The following LCT variants were observed in gnomAD, a reference collection of about 807,000 sequenced individuals.
LCT encodes lactase, also known as lactase/phlorizin hydrolase.
A neutral mutation model predicts 173.0 loss-of-function variants in LCT; 90 were observed. The observed-to-expected ratio is 0.52, with a 90% confidence interval of 0.44 to 0.62. The LOEUF is 0.62. Ranked by LOEUF, LCT falls within the 20% of genes least tolerant of loss-of-function variation. The pLI, the probability that LCT is intolerant of heterozygous loss-of-function variation, is 0.00. For synonymous variants in LCT, 853 were observed against 957.6 expected, an observed-to-expected ratio of 0.89 and a Z score of 2.02; for missense variants, 1,864 against 2,431.4, an observed-to-expected ratio of 0.77 and a Z score of 4.91.
Position 135,808,849 on chromosome 2 carries a change from G to T in LCT, c.3498C>A (p.Asp1166Glu), listed in dbSNP as rs1380303646. 6.2e-7 allele frequency: 1 copy of T among 1,614,228 alleles called. No homozygotes were observed. Among genetic ancestry groups the T allele is most frequent in the African/African-American group, 1.3e-5 (1 of 75,066 alleles). Residue 1166 changes from aspartate (D) to glutamate (E), a missense_variant, in exon 8 of 17, where the codon GAC (aspartate) becomes GAA (glutamate). Physicochemically the swap from Asp to Glu is conservative, Grantham distance 45 (BLOSUM62 2). Coordinates refer to ENST00000264162, the MANE Select transcript of LCT (RefSeq NM_002299.4). The stretch of plus-strand genomic sequence containing the variant: ...TGTTCCCCACTTTCCACTTCATGGT[G>T]TCAGGATAGTCTCCGTTTCTAAAAA... ...HPIFRNGDYP[D>E]TMKWKVGNRS...
chr2:135,798,413 C>T (rs541969837), intron 12 of LCT, among the ~76,000 whole-genome samples: 2 of 152,276 alleles, frequency 1.3e-5, no homozygotes, highest in Admixed American at 1.3e-4. Context: ...TGGGCACTGG[C>T]CCTGGTGCTC....
chr2:135,836,787 ATGG>A lies in LCT; in HGVS notation c.380_382del (p.Pro127_Met128delinsLeu). ...GAGGGTCTGGTGGTGCAGGATGACCATGGGCTGAAGCCGTGCAGTCTTGAGGGC... is the reference window on the plus strand; with the variant it reads ...GAGGGTCTGGTGGTGCAGGATGACCAGCTGAAGCCGTGCAGTCTTGAGGGC... On this transcript the variant is annotated inframe_deletion, in exon 1 of 17. Coordinates refer to ENST00000264162, the MANE Select transcript of LCT (RefSeq NM_002299.4). 6.2e-7 allele frequency: 1 copy of A among 1,614,190 alleles called. No homozygotes were observed. The highest frequency in any genetic ancestry group is 8.5e-7 in the Non-Finnish European group (1 of 1,180,032).
intron 5 of LCT, among the ~76,000 whole-genome samples, chr2:135,821,030 G>T (rs536801576): frequency 1.3e-5 from 2 of 152,068 alleles, no homozygotes; most frequent in East Asian, 3.9e-4. Flanking sequence ...ACAGGCGCCC[G>T]CCACCATGCC....
intron 8 of LCT, 143 bp downstream of exon 8, chr2:135,808,300 C>T: frequency 1.2e-6 from 1 of 820,594 alleles, no homozygotes; most frequent in Non-Finnish European, 2.2e-6. Context: ...ACATATAACC[C>T]CCAAACAGAT....
intron 15 of LCT, 100 bp from the exon 16 acceptor site, chr2:135,789,898 C>T: frequency 1.1e-6 from 1 of 905,230 alleles, no homozygotes. Context: ...CTCCCCACCG[C>T]CTTCACAGAT....
chr2:135,821,952 C>T (rs1274757195), intron 5 of LCT, 68 bp downstream of exon 5: 1 of 938,844 alleles, frequency 1.1e-6, no homozygotes, highest in African/African-American at 1.6e-5. Flanking sequence ...TAAGATTATA[C>T]ATGTAAAAGA....
intron 1 of LCT, 40 bp from the exon 2 acceptor site, chr2:135,833,230 G>A (rs771341301): frequency 1.4e-6 from 2 of 1,460,394 alleles, no homozygotes; most frequent in East Asian, 4.6e-5. Flanking sequence ...GTGAGCGAGG[G>A]CAGGAGGCTC....
At chr2:135,795,518 G>T (rs1301991275) in intron 13 of LCT, among the ~76,000 whole-genome samples, 1 of 151,752 alleles carries the variant, frequency 6.6e-6, no homozygotes, top group Non-Finnish European at 1.5e-5. Flanking sequence ...CCTGTATCTT[G>T]TGTAATTTGT....
At chr2:135,829,254 T>C (rs1037217065) in intron 3 of LCT, among the ~76,000 whole-genome samples, 1 of 152,096 alleles carries the variant, frequency 6.6e-6, no homozygotes, top group African/African-American at 2.4e-5. Context: ...TGGACGCTTA[T>C]CGTTATGGAA....
intron 14 of LCT, among the ~76,000 whole-genome samples, chr2:135,791,275 C>T (rs1459613943): frequency 6.6e-6 from 1 of 152,248 alleles, no homozygotes; most frequent in Non-Finnish European, 1.5e-5. Context: ...TGGGCTCCCC[C>T]AAGTCACCCA....
At chr2:135,801,722 T>C (rs1233994082) in intron 11 of LCT, among the ~76,000 whole-genome samples, 1 of 149,958 alleles carries the variant, frequency 6.7e-6, no homozygotes, top group Non-Finnish European at 1.5e-5. Context: ...TGCAGGCGCA[T>C]GCCACCACAT....
At chr2:135,827,211 T>C (rs1206757177) in intron 3 of LCT, among the ~76,000 whole-genome samples, 1 of 152,190 alleles carries the variant, frequency 6.6e-6, no homozygotes, top group African/African-American at 2.4e-5. Context: ...ACTCCTGGCC[T>C]CAAGTGATCC....
At chr2:135,827,265 C>A (rs2077896353) in intron 3 of LCT, among the ~76,000 whole-genome samples, 1 of 152,198 alleles carries the variant, frequency 6.6e-6, no homozygotes, top group African/African-American at 2.4e-5. Context: ...AGATGTGAGA[C>A]TTATTTTTCT....
At chr2:135,815,824 C>T (rs11903047) in intron 6 of LCT, among the ~76,000 whole-genome samples, 7,549 of 152,128 alleles carry the variant, frequency 0.05, 346 homozygotes, top group African/African-American at 0.12. Flanking sequence ...CTCAGCCTCC[C>T]AAGTAGATGG....
In LCT at chr2:135,836,598, T is replaced by G; in HGVS notation, c.572A>C (p.Gln191Pro). ...GTGGGCATCACTGAGGGTCTGGAGT[T>G]GTGACGCTCTTGATTCCTGGTGGGG... ...ELPHQESRAS[Q>P]LQTLSDAHRK... Residue 191 changes from glutamine to proline, a missense_variant, in exon 1 of 17, where the codon CAA becomes CCA. By Grantham distance (76) the Gln-to-Pro change is moderately conservative. Transcript: ENST00000264162. 1 of 1,613,986 alleles carries G rather than the reference T, an allele frequency of 6.2e-7. No individual in the cohort carries two copies. Among genetic ancestry groups the G allele is most frequent in the Non-Finnish European group, 8.5e-7 (1 of 1,179,832 alleles).
At chr2:135,803,430 G>A (rs1202175369) in intron 11 of LCT, among the ~76,000 whole-genome samples, 2 of 152,218 alleles carry the variant, frequency 1.3e-5, no homozygotes, top group East Asian at 3.8e-4. Context: ...GCCGCAGACA[G>A]CTAGCTCTCC....
chr2:135,810,550 A>C (rs1057130661), intron 7 of LCT, among the ~76,000 whole-genome samples: 2 of 152,230 alleles, frequency 1.3e-5, no homozygotes, highest in African/African-American at 4.8e-5. Flanking sequence ...GATGTGTCCC[A>C]TGTGTTACCA....
At chr2:135,829,155 C>T (rs1256396174) in intron 3 of LCT, among the ~76,000 whole-genome samples, 3 of 151,978 alleles carry the variant, frequency 2.0e-5, no homozygotes, top group Non-Finnish European at 4.4e-5. Flanking sequence ...CACGCCACTG[C>T]ACCCCAGCCT....
intron 11 of LCT, among the ~76,000 whole-genome samples, chr2:135,801,826 G>A (rs1027337473): frequency 5.3e-5 from 8 of 151,916 alleles, no homozygotes; most frequent in African/African-American, 1.9e-4. Flanking sequence ...CACCTGTCTT[G>A]GCCTCCCAAA....
Sources: gnomAD v4.1 joint callset for allele counts (sites outside exome capture counted in the v4.1 genomes callset) on GRCh38, gnomAD v4.1.1 for gene constraint, MANE v1.5 for transcripts, NCBI Gene and HGNC (gene_info 2026-07-23, HGNC 2026-07-21) for gene names.